Variants in SCIN observed in about 807,000 individuals in gnomAD.
SCIN encodes the protein adseverin.
Under a neutral mutation model 91.8 loss-of-function variants are expected in SCIN, and 91 were observed. The ratio of observed to expected loss-of-function variants is 0.99; its 90% CI spans 0.84 to 1.18. The LOEUF (loss-of-function observed/expected upper bound fraction) is 1.18, where lower values mean the gene tolerates loss of function less well. Among genes scored for constraint, SCIN ranks in the 50% most tolerant of loss-of-function variants. The pLI, the probability that SCIN is intolerant of heterozygous loss-of-function variation, is 0.00. For synonymous variants in SCIN, 367 were observed against 312.6 expected (o/e 1.17, Z -1.84); for missense variants, 1,087 against 863.9 (o/e 1.26, Z -3.24).
chr7:12,651,811 C>G lies in SCIN; in HGVS notation c.1960-30C>G. The G allele has an allele frequency of 7.1e-7, 1 of 1,415,304 alleles. No individual in the cohort carries two copies. The highest frequency in any genetic ancestry group is 9.8e-7 in the Non-Finnish European group (1 of 1,016,648). The allele number at this position is 1,415,304 out of a possible 1,614,324, so 87.7% of individuals were successfully genotyped here. A position where few individuals can be genotyped will look rare whatever the true frequency, so the allele number is the denominator to read the frequency against. ...AGCACTGAGTCAACATCCCAGAAAT[C>G]ATACATATTGTTATTGTTTCATTTT... On this transcript the variant is annotated intron_variant, in intron 14 of 15. Transcript: ENST00000297029. This position sits in a 1 kb window ranked among gnomAD's most constrained non-coding sequence, Gnocchi z 5.9.
intron 7 of SCIN, chr7:12,626,248 C>T (rs1449409294): frequency 9.2e-6 from 3 of 326,784 alleles, no homozygotes; most frequent in Non-Finnish European, 1.7e-5. Flanking sequence ...TTCCGAATCT[C>T]TCAGCCTCAT....
At chr7:12,581,333 C>A in intron 3 of SCIN, 112 bp downstream of exon 3, 3 of 1,067,514 alleles carry the variant, frequency 2.8e-6, no homozygotes, top group Non-Finnish European at 4.0e-6. Flanking sequence ...CAGAAAGGGG[C>A]CACGTTTATG....
chr7:12,602,960 A>G (rs1335186228), intron 3 of SCIN, among the ~76,000 whole-genome samples: 1 of 152,262 alleles, frequency 6.6e-6, no homozygotes, highest in Non-Finnish European at 1.5e-5. Context: ...TTATAAGAGC[A>G]TTATTTGGGA....
At chr7:12,650,382 A>T (rs1283862323) in intron 14 of SCIN, among the ~76,000 whole-genome samples, 1 of 152,204 alleles carries the variant, frequency 6.6e-6, no homozygotes, top group Admixed American at 6.5e-5. Context: ...TTAAAGAAGA[A>T]TTACACTTCC....
chr7:12,627,455 C>G (rs1044008880), intron 8 of SCIN, among the ~76,000 whole-genome samples: 11 of 152,144 alleles, frequency 7.2e-5, no homozygotes, highest in African/African-American at 2.7e-4. Context: ...TATCATATAC[C>G]TACCACAGAG....
intron 3 of SCIN, among the ~76,000 whole-genome samples, 152 bp from the exon 4 acceptor site, chr7:12,604,362 G>C (rs1199742150): frequency 1.3e-5 from 2 of 152,140 alleles, no homozygotes; most frequent in Non-Finnish European, 2.9e-5. Flanking sequence ...GAAAGCAGCA[G>C]GATGCAGAAT....
chr7:12,594,842 C>A (rs1251489415), intron 3 of SCIN, among the ~76,000 whole-genome samples: 4 of 152,116 alleles, frequency 2.6e-5, no homozygotes, highest in Admixed American at 2.6e-4. Context: ...AGAGGAAGCC[C>A]TTGGCCCAGC....
rs963914235 is a variant in SCIN at position 12,622,847 on chromosome 7, A to G, written c.713A>G (p.Asp238Gly). Residue 238 changes from aspartate (D) to glycine (G), a missense_variant, in exon 5 of 16, where the codon GAC becomes GGC. Coordinates refer to ENST00000297029, the MANE Select transcript of SCIN (RefSeq NM_001112706.3). ...CTTCCAGATGGAGGTGATGATGATG[A>G]CATTATAGCAGACATAAGTAACAGG... ...PELPDGGDDD[D>G]IIADISNRKM... is the part of the protein sequence containing the mutation. 8.7e-6 allele frequency: 14 copies of G among 1,613,190 alleles called. No individual in the cohort carries two copies. The highest frequency in any genetic ancestry group is 1.0e-5 in the Non-Finnish European group (12 of 1,179,354).
intron 1 of SCIN, among the ~76,000 whole-genome samples, chr7:12,571,879 C>G (rs1418981179): frequency 6.6e-6 from 1 of 152,156 alleles, no homozygotes; most frequent in African/African-American, 2.4e-5. Context: ...TGTCCAGCCT[C>G]TCCCCAGGAG....
intron 3 of SCIN, chr7:12,596,245 C>T (rs921785381): frequency 4.9e-6 from 2 of 410,856 alleles, no homozygotes; most frequent in South Asian, 3.7e-5. Flanking sequence ...CACATGCCAA[C>T]CTGAGTCTTT....
chr7:12,643,257 C>A (rs934127302), intron 11 of SCIN, among the ~76,000 whole-genome samples: 1 of 152,174 alleles, frequency 6.6e-6, no homozygotes, highest in Non-Finnish European at 1.5e-5. Flanking sequence ...GTCTTCATCT[C>A]CCGGCAGGCT....
At position 12,656,373 on chromosome 7, in the gene SCIN, CTTTTAAACCTAATTTA is replaced by C. The variant is rs560798928; in HGVS notation, c.*3678_*3693del. On this transcript the variant is annotated 3_prime_UTR_variant, in exon 16 of 16. Coordinates refer to ENST00000297029, the MANE Select transcript of SCIN (RefSeq NM_001112706.3). ...TGAAAGAAAACACTTATTTTATTTT[CTTTTAAACCTAATTTA>C]TTTTAAACCTAATTTATTTATTTTA... is the stretch of plus-strand genomic sequence containing the variant. 9.9e-5 allele frequency: 15 copies of C among 152,230 alleles called. No individual in the cohort carries two copies. Among genetic ancestry groups the C allele is most frequent in the African/African-American group, 1.9e-4 (8 of 41,548 alleles). 9.4% of individuals were successfully genotyped at this position (152,230 alleles called of 1,614,324 possible).
In SCIN at chr7:12,656,065, T is replaced by A. The variant is rs4721126; in HGVS notation, c.*3350T>A. The A allele has an allele frequency of 0.66, 100,289 of 152,070 alleles. 33,479 individuals are homozygous for A. The highest frequency in any genetic ancestry group is 0.7 in the African/African-American group (29,020 of 41,480). The allele number at this position is 152,070 out of a possible 1,614,324, so 9.4% of individuals were successfully genotyped here. A position where few individuals can be genotyped will look rare whatever the true frequency, so the allele number is the denominator to read the frequency against. The stretch of plus-strand genomic sequence containing the variant: ...CTCAAGCACAATCCTCAGTGTTCTC[T>A]TCTCGTCTTAGATAGCTCATCAAAT... On this transcript the variant is annotated 3_prime_UTR_variant, in exon 16 of 16. Coordinates refer to ENST00000297029, the MANE Select transcript of SCIN (RefSeq NM_001112706.3).
rs1783333028 is a variant in SCIN, at chr7:12,617,967, A to C, written c.667-4834A>C. 2.6e-5 allele frequency among the ~76,000 whole-genome samples: 4 copies of C among 152,070 alleles called. No individual in the cohort carries two copies. The South Asian group carries it at 8.3e-4, about 31-fold the overall frequency. On this transcript the variant is annotated intron_variant, in intron 4 of 15. Transcript: ENST00000297029. ...GCTTTCTGTGTTATAGTAACTTGTA[A>C]GGTAACTTTCCATATTATAGTAACT...
rs368973226 is a variant in SCIN, at chr7:12,629,095, T to C, written c.1198-6T>C. ...TAATTTGTTGTATATATTCCATTCC[T>C]TCCAGATTTGGCGTGTAGAAAACAA... is the stretch of plus-strand genomic sequence containing the variant. On this transcript the variant is annotated splice_polypyrimidine_tract_variant and splice_region_variant and intron_variant, in intron 8 of 15. Transcript: ENST00000297029. The C allele has an allele frequency of 8.7e-6, 14 of 1,608,930 alleles. No individual in the cohort carries two copies. The highest frequency in any genetic ancestry group is 1.2e-5 in the Non-Finnish European group (14 of 1,177,454).
Position 12,651,118 on chromosome 7 carries a change from A to G in SCIN, c.1960-723A>G, listed in dbSNP as rs1784070445. 6.6e-6 allele frequency among the ~76,000 whole-genome samples: 1 copy of G among 152,208 alleles called. No individual in the cohort carries two copies. On this transcript the variant is annotated intron_variant, in intron 14 of 15. Transcript: ENST00000297029. The surrounding 1 kb of genome is among the most constrained non-coding windows in gnomAD (Gnocchi z 5.9). ...AACTAAATAAATGGCTGGATGGTTG[A>G]TGCTTTTCTACCATTTTGAAGTTAC...
chr7:12,607,432 C>T (rs1783101120), intron 4 of SCIN, among the ~76,000 whole-genome samples: 1 of 152,144 alleles, frequency 6.6e-6, no homozygotes, highest in Admixed American at 6.5e-5. Flanking sequence ...AAAGTGTAAA[C>T]AGTCAATACA....
chr7:12,657,955 C>T lies in SCIN; in HGVS notation c.*5240C>T, dbSNP rs561351673. On this transcript the variant is annotated 3_prime_UTR_variant, in exon 16 of 16. Coordinates refer to ENST00000297029, the MANE Select transcript of SCIN (RefSeq NM_001112706.3). ...TTTAATTTAGTTAACATGACAAACTCCATCTTATTTAGAGAGATTATTTTT... is the reference window on the plus strand; with the variant it reads ...TTTAATTTAGTTAACATGACAAACTTCATCTTATTTAGAGAGATTATTTTT... 21 of 152,134 alleles carry T rather than the reference C, an allele frequency of 1.4e-4. No homozygotes were observed. The highest frequency in any genetic ancestry group is 5.1e-4 in the African/African-American group (21 of 41,512). The allele number at this position is 152,134 out of a possible 1,614,324, so 9.4% of individuals were successfully genotyped here. A position where few individuals can be genotyped will look rare whatever the true frequency, so the allele number is the denominator to read the frequency against.
At chr7:12,571,747 G>A in intron 1 of SCIN, 1 of 238,746 alleles carries the variant, frequency 4.2e-6, no homozygotes, top group South Asian at 4.3e-5. Flanking sequence ...ACACAAGATG[G>A]AACAGAAACG....
Sources: gnomAD v4.1 joint callset for allele counts (sites outside exome capture counted in the v4.1 genomes callset) on GRCh38, gnomAD v4.1.1 for gene constraint, Gnocchi (gnomAD v3.1) non-coding constraint, MANE v1.5 for transcripts, NCBI Gene and HGNC (gene_info 2026-07-23, HGNC 2026-07-21) for gene names.